PCDH15: variants seen among roughly 807,000 people sequenced by gnomAD.
PCDH15 encodes the protein protocadherin related 15.
Under a neutral mutation model 178.5 loss-of-function variants are expected in PCDH15, and 129 were observed. That is an observed-to-expected ratio of 0.72 (90% CI 0.63 to 0.84). The LOEUF (loss-of-function observed/expected upper bound fraction) is 0.84, where lower values mean the gene tolerates loss of function less well. Ranked by LOEUF, PCDH15 falls within the 40% of genes least tolerant of loss-of-function variation. The probability of loss-of-function intolerance (pLI) is 0.00; values close to 1 mark genes in which losing one functional copy is unlikely to be tolerated. For synonymous variants in PCDH15, 800 were observed against 732.0 expected (o/e 1.09, Z -1.50); for missense variants, 2,230 against 2,099.9 (o/e 1.06, Z -1.21).
intron 2 of PCDH15, among the ~76,000 whole-genome samples, chr10:55,106,681 G>T (rs1199481141): frequency 6.6e-6 from 1 of 152,170 alleles, no homozygotes; most frequent in African/African-American, 2.4e-5. Context: ...CTCCCAAAGT[G>T]CTGGGATATT....
intron 2 of PCDH15, among the ~76,000 whole-genome samples, chr10:54,905,440 T>A (rs890360773): frequency 1.3e-5 from 2 of 152,162 alleles, no homozygotes; most frequent in Non-Finnish European, 2.9e-5. Flanking sequence ...TTTCCAAGCA[T>A]GCTGTCAAAG....
At chr10:55,164,583 A>G (rs17610066) in intron 2 of PCDH15, among the ~76,000 whole-genome samples, 2,941 of 152,140 alleles carry the variant, frequency 0.019, 46 homozygotes, top group Middle Eastern at 0.075. Context: ...AAAATTACCA[A>G]AGTTGTTCAT....
At chr10:54,851,020 A>G (rs1953611610) in intron 3 of PCDH15, among the ~76,000 whole-genome samples, 1 of 152,182 alleles carries the variant, frequency 6.6e-6, no homozygotes, top group Non-Finnish European at 1.5e-5. Flanking sequence ...ATATAACACA[A>G]ACTGTGACTA....
At chr10:54,453,798 C>T (rs2076636111) in intron 3 of PCDH15, among the ~76,000 whole-genome samples, 1 of 151,886 alleles carries the variant, frequency 6.6e-6, no homozygotes, top group Admixed American at 6.6e-5. Flanking sequence ...TCTGAGAGCC[C>T]TCAGAATACT....
intron 2 of PCDH15, among the ~76,000 whole-genome samples, chr10:55,052,682 C>T (rs901480706): frequency 6.6e-6 from 1 of 151,416 alleles, no homozygotes; most frequent in African/African-American, 2.4e-5. Flanking sequence ...TGCCACTGCA[C>T]TTCAGCCTGG....
chr10:54,797,166 G>A (rs1430584299), intron 1 of PCDH15, among the ~76,000 whole-genome samples: 1 of 151,888 alleles, frequency 6.6e-6, no homozygotes, highest in Non-Finnish European at 1.5e-5. Context: ...CAAAGTAATA[G>A]GAACTACACA....
At chr10:54,719,151 A>AG (rs2095515669) in intron 1 of PCDH15, among the ~76,000 whole-genome samples, 1 of 147,778 alleles carries the variant, frequency 6.8e-6, no homozygotes, top group African/African-American at 2.5e-5. Flanking sequence ...ATATTAAAAA[A>AG]GGGTAGATAT....
At chr10:53,910,660 G>A (rs991074944) in intron 25 of PCDH15, among the ~76,000 whole-genome samples, 1 of 152,168 alleles carries the variant, frequency 6.6e-6, no homozygotes, top group African/African-American at 2.4e-5. Context: ...GATGGAGAAT[G>A]ACTTTGATGA....
chr10:54,366,741 A>G (rs1053403340), intron 5 of PCDH15, among the ~76,000 whole-genome samples: 23 of 151,962 alleles, frequency 1.5e-4, no homozygotes, highest in African/African-American at 5.3e-4. Flanking sequence ...AAGTAAATAT[A>G]AAGAGTATGG....
rs943646014 is a variant in PCDH15 at position 54,895,894 on chromosome 10, A to AT, written c.-29+1555dup. On this transcript the variant is annotated intron_variant, in intron 3 of 5. Transcript: ENST00000458638. ...AAAATAGCTAAGGGTATCTAAGGGT[A>AT]TTTTTTTTTTGAGATGGAGTCTCAC... 2.5e-4 allele frequency among the ~76,000 whole-genome samples: 37 copies of AT among 149,302 alleles called. No individual in the cohort carries two copies. The East Asian group carries it at 2.6e-3, about 10-fold the overall frequency.
chr10:55,564,243 T>TA (rs1024491813), intron 2 of PCDH15, among the ~76,000 whole-genome samples: 1 of 151,770 alleles, frequency 6.6e-6, no homozygotes, highest in East Asian at 1.9e-4. Context: ...CATTAATAAC[T>TA]AAAAAAATGT....
chr10:55,002,151 GAA>G lies in PCDH15; in HGVS notation c.-79-104653_-79-104652del, dbSNP rs978819039. 4.8e-4 allele frequency among the ~76,000 whole-genome samples: 73 copies of G among 152,256 alleles called. 1 individual carries two copies. The highest frequency in any genetic ancestry group is 1.9e-4 in the African/African-American group (8 of 41,540). ...TGATACTCTTTTAAATAGCTTAAAA[GAA>G]AATATTGTGTGGTTATTCTTCCTTT... On this transcript the variant is annotated intron_variant, in intron 2 of 5. Coordinates refer to the PCDH15 transcript ENST00000458638.
At chr10:53,834,532 T>TTC (rs2077194089) in intron 29 of PCDH15, among the ~76,000 whole-genome samples, 2 of 149,386 alleles carry the variant, frequency 1.3e-5, no homozygotes, top group African/African-American at 2.4e-5. Flanking sequence ...TTTTTTTTTT[T>TTC]CTCGTCATTT....
At chr10:54,980,664 T>C (rs1057515198) in intron 2 of PCDH15, among the ~76,000 whole-genome samples, 4 of 152,130 alleles carry the variant, frequency 2.6e-5, no homozygotes, top group Admixed American at 6.5e-5. Context: ...TTATGTCTTT[T>C]ACTTTCTGAG....
intron 2 of PCDH15, among the ~76,000 whole-genome samples, chr10:55,051,371 T>G (rs2131988020): frequency 6.6e-6 from 1 of 152,304 alleles, no homozygotes; most frequent in South Asian, 2.1e-4. Context: ...ACTGCATTAA[T>G]GTATTTTAAT....
At chr10:53,816,178 A>C (rs566070543) in intron 35 of PCDH15, 61 bp downstream of exon 35, 1 of 398,622 alleles carries the variant, frequency 2.5e-6, no homozygotes, top group African/African-American at 2.1e-5. Context: ...GAATTAATAC[A>C]ATAGATCTTA....
chr10:54,120,393 G>A (rs1271749932), intron 15 of PCDH15, among the ~76,000 whole-genome samples: 1 of 152,074 alleles, frequency 6.6e-6, no homozygotes, highest in Non-Finnish European at 1.5e-5. Flanking sequence ...CTTAATGATA[G>A]AATCAAAATT....
At chr10:55,064,659 AG>A (rs979075021) in intron 2 of PCDH15, among the ~76,000 whole-genome samples, 24 of 152,108 alleles carry the variant, frequency 1.6e-4, no homozygotes, top group Admixed American at 5.2e-4. Flanking sequence ...TTTCTCAAAA[AG>A]GTACTATGAG....
At chr10:54,764,178 C>T (rs1948235840) in intron 1 of PCDH15, among the ~76,000 whole-genome samples, 1 of 151,938 alleles carries the variant, frequency 6.6e-6, no homozygotes, top group Non-Finnish European at 1.5e-5. Context: ...TTATTCCAGG[C>T]ACAAACTGAT....
Sources: allele counts gnomAD v4.1 joint callset (sites outside exome capture counted in the v4.1 genomes callset), GRCh38; gene constraint gnomAD v4.1.1; transcripts MANE v1.5; gene names NCBI Gene and HGNC (gene_info 2026-07-23, HGNC 2026-07-21).